Variants in PDE1C observed in about 807,000 individuals in gnomAD.
The protein encoded by PDE1C is dual specificity calcium/calmodulin-dependent 3',5'-cyclic nucleotide phosphodiesterase 1C.
In PDE1C, 62 loss-of-function variants were observed where a neutral mutation model predicts 93.1. That is an observed-to-expected ratio of 0.67 (90% CI 0.54 to 0.82). PDE1C has a LOEUF of 0.82. Among genes scored for constraint, PDE1C ranks in the 40% least tolerant of loss-of-function variants. The pLI is 0.00. For missense variants in PDE1C, 742 were observed against 884.6 expected, an observed-to-expected ratio of 0.84 and a Z score of 2.04; for synonymous variants, 325 against 310.1, an observed-to-expected ratio of 1.05 and a Z score of -0.50.
chr7:31,639,933 A>G, the PDE1C span, among the ~76,000 whole-genome samples: 1 of 152,168 alleles, frequency 6.6e-6, no homozygotes, highest in African/African-American at 2.4e-5. Flanking sequence ...TTTTCTCCTC[A>G]TAATGGATCA....
chr7:32,204,296 C>T (rs1371323598), intron 2 of PDE1C, among the ~76,000 whole-genome samples: 1 of 152,136 alleles, frequency 6.6e-6, no homozygotes, highest in Non-Finnish European at 1.5e-5. Context: ...ATCTTCAGAC[C>T]GCTATTAGCC....
the PDE1C span, among the ~76,000 whole-genome samples, chr7:31,700,331 C>A: frequency 6.6e-6 from 1 of 152,158 alleles, no homozygotes; most frequent in Non-Finnish European, 1.5e-5. Context: ...AGCCATAACC[C>A]TTCCTTAAGC....
In PDE1C at chr7:32,353,415, G is replaced by C. The variant is rs1324118521; in HGVS notation, c.310+74407C>G. On this transcript the variant is annotated intron_variant, in intron 1 of 1. Coordinates refer to the PDE1C transcript ENST00000672256. ...GTGTTTGTAGTATTCTCTGATGGTA[G>C]TTTGTATTTCTGTGGGATCGGTGGT... is the stretch of plus-strand genomic sequence containing the variant. 6.1e-4 allele frequency among the ~76,000 whole-genome samples: 6 copies of C among 9,880 alleles called. 2 individuals are homozygous for C. The allele number at this position is 9,880 out of a possible 152,430, so 6.5% of individuals were successfully genotyped here. A position where few individuals can be genotyped will look rare whatever the true frequency, so the allele number is the denominator to read the frequency against.
intron 14 of PDE1C, among the ~76,000 whole-genome samples, chr7:31,822,339 T>A (rs1238914455): frequency 6.6e-6 from 1 of 152,052 alleles, no homozygotes; most frequent in African/African-American, 2.4e-5. Context: ...TTATCTCAGG[T>A]TTGCGCTACC....
the PDE1C span, chr7:31,655,920 T>G: frequency 3.0e-6 from 3 of 985,452 alleles, no homozygotes; most frequent in Non-Finnish European, 3.6e-6. Context: ...AGCCATCTGC[T>G]TTACCAGTCT....
intron 3 of PDE1C, among the ~76,000 whole-genome samples, chr7:32,132,293 G>T (rs1163327467): frequency 6.6e-6 from 1 of 152,086 alleles, no homozygotes; most frequent in Non-Finnish European, 1.5e-5. Flanking sequence ...GAGGAGAAAA[G>T]ACCCTTTTAT....
rs75264484 is a variant in PDE1C at position 32,233,901 on chromosome 7, A to C, written c.86-24362T>G. On this transcript the variant is annotated intron_variant, in intron 1 of 18. Coordinates refer to the PDE1C transcript ENST00000396193. ...ATCACGATAGACTAAATCATGGGTC[A>C]TAAAACAAAGCCTACCAAACTTAAA... Among the ~76,000 whole-genome samples, 673 of 152,192 alleles carry C rather than the reference A, an allele frequency of 4.4e-3. 8 individuals carry two copies. The highest frequency in any genetic ancestry group is 0.015 in the African/African-American group (635 of 41,570).
chr7:31,642,464 G>A, the PDE1C span, among the ~76,000 whole-genome samples: 6 of 152,186 alleles, frequency 3.9e-5, no homozygotes, highest in East Asian at 1.9e-4. Context: ...ACAAGGTGCC[G>A]GAAAGTGTGG....
At position 32,425,445 on chromosome 7, in the gene PDE1C, C is replaced by A. The variant is rs1785507912; in HGVS notation, c.310+2377G>T. Among the ~76,000 whole-genome samples the A allele has an allele frequency of 2.0e-5, 3 of 152,014 alleles. No individual in the cohort carries two copies. In the South Asian group the frequency reaches 6.2e-4, roughly 32 times the overall value. ...TAAGTATCCTAGGTGATATAAAACTCAGAATGTAATTTTTAATTGCATATA... is the reference window on the plus strand; with the variant it reads ...TAAGTATCCTAGGTGATATAAAACTAAGAATGTAATTTTTAATTGCATATA... On this transcript the variant is annotated intron_variant, in intron 1 of 1. Transcript: ENST00000672256.
chr7:31,685,818 G>A, the PDE1C span, among the ~76,000 whole-genome samples: 27 of 152,270 alleles, frequency 1.8e-4, no homozygotes, highest in African/African-American at 6.3e-4. Flanking sequence ...TCCTAGACAA[G>A]AGCATCACCT....
intron 2 of PDE1C, among the ~76,000 whole-genome samples, chr7:31,894,932 G>GC (rs1337846863): frequency 6.6e-6 from 1 of 152,174 alleles, no homozygotes; most frequent in Non-Finnish European, 1.5e-5. Flanking sequence ...GTTAGACAGG[G>GC]CAAGGAGAGA....
chr7:32,260,764 C>A (rs112545952), intron 1 of PDE1C, among the ~76,000 whole-genome samples: 25,055 of 149,750 alleles, frequency 0.17, 2,256 homozygotes, highest in East Asian at 0.3. Context: ...AGCCCTTTCC[C>A]GAAAAGACCC....
chr7:31,799,161 T>C (rs1785677724), intron 16 of PDE1C, among the ~76,000 whole-genome samples: 1 of 151,672 alleles, frequency 6.6e-6, no homozygotes, highest in African/African-American at 2.4e-5. Flanking sequence ...GTTTCTCAAA[T>C]CTCTGGAAAT....
chr7:31,738,441 T>A, the PDE1C span, among the ~76,000 whole-genome samples: 1 of 152,176 alleles, frequency 6.6e-6, no homozygotes, highest in Non-Finnish European at 1.5e-5. Context: ...CCGAGACTTA[T>A]TCACTACCAT....
intron 3 of PDE1C, among the ~76,000 whole-genome samples, chr7:32,098,400 A>C (rs1034997267): frequency 6.6e-6 from 1 of 152,128 alleles, no homozygotes; most frequent in African/African-American, 2.4e-5. Flanking sequence ...AAATCATATA[A>C]GTGATTATAT....
At chr7:31,804,906 A>C (rs528048545) in intron 16 of PDE1C, among the ~76,000 whole-genome samples, 83 of 151,964 alleles carry the variant, frequency 5.5e-4, no homozygotes, top group African/African-American at 1.9e-3. Context: ...GGAATAGAGC[A>C]GTGATATGGT....
intron 2 of PDE1C, among the ~76,000 whole-genome samples, chr7:32,017,810 A>G (rs1412704300): frequency 5.3e-5 from 8 of 152,102 alleles, no homozygotes; most frequent in Non-Finnish European, 1.2e-4. Context: ...CAGGCATGGT[A>G]GCTCACACCT....
At chr7:32,317,615 T>G (rs1475547996) in intron 1 of PDE1C, among the ~76,000 whole-genome samples, 1 of 152,190 alleles carries the variant, frequency 6.6e-6, no homozygotes, top group Non-Finnish European at 1.5e-5. Context: ...TAGTGTCATT[T>G]TCATCATAAC....
At chr7:32,385,481 G>C (rs1315121070) in intron 1 of PDE1C, among the ~76,000 whole-genome samples, 1 of 152,152 alleles carries the variant, frequency 6.6e-6, no homozygotes, top group Non-Finnish European at 1.5e-5. Context: ...CACTTCTTGA[G>C]TCTGTCCATT....
Sources: gnomAD v4.1 joint callset for allele counts (sites outside exome capture counted in the v4.1 genomes callset) on GRCh38, gnomAD v4.1.1 for gene constraint, MANE v1.5 for transcripts, NCBI Gene and HGNC (gene_info 2026-07-23, HGNC 2026-07-21) for gene names.